CDH12: variants seen among roughly 807,000 people sequenced by gnomAD.
The protein encoded by CDH12 is cadherin-12.
In CDH12, 41 loss-of-function variants were observed where a neutral mutation model predicts 74.1. The ratio of observed to expected loss-of-function variants is 0.55; its 90% CI spans 0.43 to 0.72. The LOEUF (loss-of-function observed/expected upper bound fraction) is 0.72, where lower values mean the gene tolerates loss of function less well. CDH12 is among the 30% of genes least tolerant of loss of function. The probability of loss-of-function intolerance (pLI) is 0.00; values close to 1 mark genes in which losing one functional copy is unlikely to be tolerated. For synonymous variants in CDH12, 399 were observed against 355.0 expected, an observed-to-expected ratio of 1.12 and a Z score of -1.39; for missense variants, 945 against 977.2, an observed-to-expected ratio of 0.97 and a Z score of 0.44.
At chr5:21,843,663 C>T (rs962852647) in intron 7 of CDH12, among the ~76,000 whole-genome samples, 3 of 151,860 alleles carry the variant, frequency 2.0e-5, no homozygotes, top group African/African-American at 4.8e-5. Flanking sequence ...TACAGGCATG[C>T]GCCACCATGC....
chr5:22,505,021 A>G (rs980444430), intron 2 of CDH12, among the ~76,000 whole-genome samples: 1 of 151,948 alleles, frequency 6.6e-6, no homozygotes, highest in Non-Finnish European at 1.5e-5. Flanking sequence ...AAATAAAACA[A>G]AGAAGCTAAA....
chr5:22,017,272 G>C (rs916976442), intron 5 of CDH12, among the ~76,000 whole-genome samples: 3 of 152,046 alleles, frequency 2.0e-5, no homozygotes, highest in Admixed American at 2.0e-4. Context: ...AGGGTTGCTG[G>C]CAAAGAATTG....
chr5:22,375,825 C>A (rs895730723), intron 3 of CDH12, among the ~76,000 whole-genome samples: 2 of 141,258 alleles, frequency 1.4e-5, no homozygotes, highest in Non-Finnish European at 3.0e-5. Flanking sequence ...CAGATGCTAA[C>A]GAGGCTGGGG....
At chr5:22,207,259 A>T (rs1751275961) in intron 4 of CDH12, among the ~76,000 whole-genome samples, 2 of 151,962 alleles carry the variant, frequency 1.3e-5, no homozygotes, top group Admixed American at 1.3e-4. Flanking sequence ...AAATTCTACC[A>T]AATATTCATT....
chr5:22,387,230 T>A (rs1399317055), intron 3 of CDH12, among the ~76,000 whole-genome samples: 4 of 151,934 alleles, frequency 2.6e-5, no homozygotes, highest in Non-Finnish European at 5.9e-5. Flanking sequence ...AAGTTACATT[T>A]TTAAAAATTG....
At chr5:21,989,478 T>G (rs890197554) in intron 5 of CDH12, among the ~76,000 whole-genome samples, 2 of 152,154 alleles carry the variant, frequency 1.3e-5, no homozygotes, top group African/African-American at 4.8e-5. Flanking sequence ...AGGTAAAACA[T>G]TTATCTCTTG....
At chr5:22,083,555 A>G (rs566686033) in intron 4 of CDH12, among the ~76,000 whole-genome samples, 367 of 152,302 alleles carry the variant, frequency 2.4e-3, no homozygotes, top group African/African-American at 8.5e-3. Flanking sequence ...GGTAATAGCT[A>G]ACCTTTATTG....
intron 3 of CDH12, among the ~76,000 whole-genome samples, chr5:22,329,040 A>G (rs1226124630): frequency 6.6e-6 from 1 of 152,208 alleles, no homozygotes; most frequent in African/African-American, 2.4e-5. Context: ...GAGAGAATTT[A>G]AAGAAAGAAG....
intron 4 of CDH12, among the ~76,000 whole-genome samples, chr5:22,079,143 A>C (rs1158317222): frequency 1.3e-5 from 2 of 152,230 alleles, no homozygotes; most frequent in Non-Finnish European, 2.9e-5. Flanking sequence ...GGAGAAAAAT[A>C]CAGACCACTA....
intron 4 of CDH12, among the ~76,000 whole-genome samples, chr5:22,105,259 T>TA (rs1744364345): frequency 2.2e-5 from 1 of 45,984 alleles, no homozygotes; most frequent in East Asian, 5.5e-4. Flanking sequence ...ACCCAGCTAA[T>TA]TTTTTTTATA....
chr5:22,842,648 C>T (rs906535619), intron 1 of CDH12, among the ~76,000 whole-genome samples: 19 of 152,098 alleles, frequency 1.2e-4, no homozygotes, highest in Admixed American at 6.6e-4. Flanking sequence ...CACTCTAGAA[C>T]GAAAGATGAA....
intron 1 of CDH12, among the ~76,000 whole-genome samples, chr5:22,607,740 A>G (rs749183220): frequency 3.9e-4 from 60 of 152,242 alleles, no homozygotes; most frequent in Non-Finnish European, 6.3e-4. Context: ...TGCAGCCTCC[A>G]GACTTGGTGC....
chr5:22,245,475 G>T (rs1427684254), intron 3 of CDH12, among the ~76,000 whole-genome samples: 1 of 152,024 alleles, frequency 6.6e-6, no homozygotes, highest in East Asian at 1.9e-4. Flanking sequence ...TCTTGGTATT[G>T]ATTTGATAGT....
At chr5:22,501,026 C>T (rs2126655770) in intron 2 of CDH12, among the ~76,000 whole-genome samples, 1 of 151,438 alleles carries the variant, frequency 6.6e-6, no homozygotes, top group African/African-American at 2.4e-5. Context: ...TGCATTGTGA[C>T]CTATCACAAA....
At chr5:22,197,971 G>A (rs1039587329) in intron 4 of CDH12, among the ~76,000 whole-genome samples, 13 of 151,542 alleles carry the variant, frequency 8.6e-5, no homozygotes, top group African/African-American at 3.2e-4. Flanking sequence ...CAAATTGGTG[G>A]GACAACATTC....
chr5:21,848,145 T>G (rs1324010332), intron 7 of CDH12, among the ~76,000 whole-genome samples: 1 of 152,242 alleles, frequency 6.6e-6, no homozygotes, highest in African/African-American at 2.4e-5. Flanking sequence ...CATGATGTAA[T>G]TTTGAAGAAG....
At chr5:21,893,774 A>G (rs909709541) in intron 6 of CDH12, among the ~76,000 whole-genome samples, 2 of 152,184 alleles carry the variant, frequency 1.3e-5, no homozygotes, top group African/African-American at 4.8e-5. Flanking sequence ...TCTGGTTTTG[A>G]AGCCCAGTAG....
intron 2 of CDH12, among the ~76,000 whole-genome samples, chr5:22,494,678 C>A (rs566520515): frequency 2.6e-5 from 4 of 152,246 alleles, no homozygotes; most frequent in African/African-American, 7.2e-5. Context: ...TTTCCAAGAA[C>A]CTATTGATGA....
intron 5 of CDH12, among the ~76,000 whole-genome samples, chr5:21,991,445 C>A (rs1362923323): frequency 1.4e-5 from 2 of 147,486 alleles, no homozygotes; most frequent in Non-Finnish European, 3.0e-5. Flanking sequence ...CTCAGACAAG[C>A]ACAATTTTTG....
Sources: gnomAD v4.1 joint callset for allele counts (sites outside exome capture counted in the v4.1 genomes callset) on GRCh38, gnomAD v4.1.1 for gene constraint, MANE v1.5 for transcripts, NCBI Gene and HGNC (gene_info 2026-07-23, HGNC 2026-07-21) for gene names.